The following CHST11 variants were observed in gnomAD, a reference collection of about 807,000 sequenced individuals.
CHST11 encodes C4S-1.
CHST11 carries 9 observed loss-of-function variants against 30.4 expected under a neutral mutation model. That is an observed-to-expected ratio of 0.30 (90% CI 0.18 to 0.52). The LOEUF (loss-of-function observed/expected upper bound fraction) is 0.52. CHST11 is among the 20% of genes least tolerant of loss of function. CHST11 has a pLI of 0.97. For synonymous variants in CHST11, 152 were observed against 187.8 expected (o/e 0.81, Z 1.56); for missense variants, 348 against 460.6 (o/e 0.76, Z 2.24).
chr12:104,616,467 A>AT (rs35122771), intron 2 of CHST11, among the ~76,000 whole-genome samples: 9,454 of 139,310 alleles, frequency 0.068, 685 homozygotes, highest in African/African-American at 0.19. Flanking sequence ...GGGAAACTAC[A>AT]TTTTTTTTTT....
intron 1 of CHST11, among the ~76,000 whole-genome samples, chr12:104,515,268 A>G (rs2038011384): frequency 6.6e-6 from 1 of 152,204 alleles, no homozygotes; most frequent in African/African-American, 2.4e-5. Context: ...TTTGTGCGAT[A>G]ATGGCAGAGT....
chr12:104,515,866 T>C (rs1011124113), intron 1 of CHST11, among the ~76,000 whole-genome samples: 17 of 152,194 alleles, frequency 1.1e-4, no homozygotes, highest in Non-Finnish European at 1.2e-4. Flanking sequence ...TTCAAAAGCC[T>C]TGGGGTGCAA....
intron 1 of CHST11, among the ~76,000 whole-genome samples, chr12:104,590,880 C>A (rs1348678352): frequency 2.0e-5 from 3 of 151,758 alleles, no homozygotes; most frequent in Non-Finnish European, 4.4e-5. Flanking sequence ...CAATATCGCA[C>A]CACTTTACTC....
At chr12:104,542,462 A>C (rs2038295019) in intron 1 of CHST11, among the ~76,000 whole-genome samples, 1 of 152,248 alleles carries the variant, frequency 6.6e-6, no homozygotes, top group Non-Finnish European at 1.5e-5. Flanking sequence ...ATGCTACAAC[A>C]TGGGTGAACC....
chr12:104,668,960 C>G (rs1347197078), intron 2 of CHST11, among the ~76,000 whole-genome samples: 1 of 152,240 alleles, frequency 6.6e-6, no homozygotes, highest in African/African-American at 2.4e-5. Context: ...ACACGGCCCC[C>G]AGGCAACTCT....
chr12:104,530,612 A>T (rs903966538), intron 1 of CHST11, among the ~76,000 whole-genome samples: 1 of 152,244 alleles, frequency 6.6e-6, no homozygotes, highest in East Asian at 1.9e-4. Context: ...GGAAGAAAAA[A>T]GTCTAGCTAT....
chr12:104,705,729 T>C (rs2040026728), intron 2 of CHST11, among the ~76,000 whole-genome samples: 1 of 152,034 alleles, frequency 6.6e-6, no homozygotes, highest in Non-Finnish European at 1.5e-5. Flanking sequence ...GAGAACAGCC[T>C]GGCCAACATG....
intron 1 of CHST11, among the ~76,000 whole-genome samples, chr12:104,573,728 T>G (rs1352442662): frequency 6.6e-6 from 1 of 152,212 alleles, no homozygotes; most frequent in Admixed American, 6.5e-5. Flanking sequence ...ATTAAAGACT[T>G]AAATGTTAGA....
intron 2 of CHST11, among the ~76,000 whole-genome samples, chr12:104,705,661 C>T (rs1841191351): frequency 6.6e-6 from 1 of 152,172 alleles, no homozygotes; most frequent in Non-Finnish European, 1.5e-5. Context: ...TGGCTCACAC[C>T]TGTGATCCCA....
rs560328615 is a variant in CHST11 at position 104,600,934 on chromosome 12, C to T, written c.119-972C>T. On this transcript the variant is annotated intron_variant, in intron 1 of 2. Coordinates refer to ENST00000303694, the MANE Select transcript of CHST11 (RefSeq NM_018413.6). This position sits in a 1 kb window ranked among gnomAD's most constrained non-coding sequence, Gnocchi z 4.1. ...CTCGGCTTCCTTTTTTCCTTTCCTC[C>T]TTCCTTTCCTCCCTCTTTTCCTCTC... Among the ~76,000 whole-genome samples the T allele has an allele frequency of 6.7e-6, 1 of 148,644 alleles. No individual in the cohort carries two copies. The highest frequency in any genetic ancestry group is 2.1e-4 in the South Asian group (1 of 4,670).
intron 2 of CHST11, among the ~76,000 whole-genome samples, chr12:104,704,415 A>G (rs1343716465): frequency 6.6e-6 from 1 of 152,168 alleles, no homozygotes; most frequent in Non-Finnish European, 1.5e-5. Context: ...CAGCCCCTGC[A>G]GAGGTGAGAC....
intron 1 of CHST11, among the ~76,000 whole-genome samples, chr12:104,507,910 G>C (rs1350410574): frequency 6.6e-6 from 1 of 152,166 alleles, no homozygotes; most frequent in Non-Finnish European, 1.5e-5. Flanking sequence ...CAAGGCTCCT[G>C]GCAGACTGCA....
chr12:104,601,809 C>T (rs1007591630), intron 1 of CHST11, 97 bp from the exon 2 acceptor site: 3 of 930,986 alleles, frequency 3.2e-6, no homozygotes, highest in South Asian at 3.0e-5. Flanking sequence ...CTCTTTCTTT[C>T]CTGCCTGTTT....
At chr12:104,698,750 A>G (rs2039969222) in intron 2 of CHST11, among the ~76,000 whole-genome samples, 1 of 152,246 alleles carries the variant, frequency 6.6e-6, no homozygotes, top group Non-Finnish European at 1.5e-5. Context: ...TCTTGAGAAG[A>G]TAAATTAGTA....
intron 1 of CHST11, among the ~76,000 whole-genome samples, chr12:104,563,958 G>A (rs2038537473): frequency 6.6e-6 from 1 of 152,070 alleles, no homozygotes; most frequent in South Asian, 2.1e-4. Flanking sequence ...AAGTGGTTCT[G>A]GGGTCTGGCA....
intron 2 of CHST11, among the ~76,000 whole-genome samples, chr12:104,738,378 G>C (rs1179765231): frequency 6.6e-6 from 1 of 152,210 alleles, no homozygotes; most frequent in African/African-American, 2.4e-5. Flanking sequence ...CCTCCTCTGT[G>C]GGCTTTGCAT....
At chr12:104,460,632 C>G (rs191921889) in intron 1 of CHST11, among the ~76,000 whole-genome samples, 21 of 148,742 alleles carry the variant, frequency 1.4e-4, no homozygotes, top group Admixed American at 1.1e-3. Flanking sequence ...CCACTGCACT[C>G]CAGCCTGGGC....
chr12:104,575,412 G>C (rs2038674862), intron 1 of CHST11, among the ~76,000 whole-genome samples: 1 of 152,170 alleles, frequency 6.6e-6, no homozygotes, highest in African/African-American at 2.4e-5. Context: ...ACAGGGATGA[G>C]GCCATGTCAG....
intron 1 of CHST11, among the ~76,000 whole-genome samples, chr12:104,535,745 G>C (rs994387471): frequency 6.6e-6 from 1 of 152,134 alleles, no homozygotes; most frequent in East Asian, 1.9e-4. Context: ...AGCTAACCTC[G>C]GAGTTATAAA....
Sources: allele counts gnomAD v4.1 joint callset (sites outside exome capture counted in the v4.1 genomes callset), GRCh38; gene constraint gnomAD v4.1.1; non-coding constraint Gnocchi (gnomAD v3.1); transcripts MANE v1.5; gene names NCBI Gene and HGNC (gene_info 2026-07-23, HGNC 2026-07-21).